UBE2G1: variants seen among roughly 807,000 people sequenced by gnomAD.
UBE2G1 encodes ubiquitin-conjugating enzyme E2 G1.
Under a neutral mutation model 22.7 loss-of-function variants are expected in UBE2G1, and 5 were observed. That is an observed-to-expected ratio of 0.22 (90% CI 0.12 to 0.46). The LOEUF (loss-of-function observed/expected upper bound fraction) is 0.46, where lower values mean the gene tolerates loss of function less well. Ranked by LOEUF, UBE2G1 falls within the 20% of genes least tolerant of loss-of-function variation. UBE2G1 has a pLI of 0.99. For synonymous variants in UBE2G1, 74 were observed against 67.5 expected, an observed-to-expected ratio of 1.10 and a Z score of -0.47; for missense variants, 88 against 203.9, an observed-to-expected ratio of 0.43 and a Z score of 3.46.
intron 1 of UBE2G1, among the ~76,000 whole-genome samples, chr17:4,347,105 A>G (rs1969786382): frequency 6.6e-6 from 1 of 152,082 alleles, no homozygotes; most frequent in African/African-American, 2.4e-5. Flanking sequence ...GTGAGCCAAG[A>G]TCATGCCACT....
At chr17:4,304,928 T>C (rs1214811881) in intron 2 of UBE2G1, among the ~76,000 whole-genome samples, 2 of 152,010 alleles carry the variant, frequency 1.3e-5, no homozygotes, top group Non-Finnish European at 2.9e-5. Flanking sequence ...ACCTCACTAC[T>C]TTCTGCTAAG....
Position 4,296,794 on chromosome 17 carries a change from G to C in UBE2G1, c.170C>G (p.Ala57Gly). 6.2e-7 allele frequency: 1 copy of C among 1,613,814 alleles called. No homozygotes were observed. ...DTLYEGGVFKAHLTFPKDYPL... is the reference protein window; with the variant it reads ...DTLYEGGVFKGHLTFPKDYPL... ...ATAATCTTTTGGGAAAGTAAGATGA[G>C]CCTTAAAAACACCACCTTCACTGGA... is the stretch of plus-strand genomic sequence containing the variant. Residue 57 changes from alanine to glycine, a missense_variant, in exon 3 of 6, where the codon GCT (alanine) becomes GGT (glycine). Around this residue, in one of 2 missense-constraint regions of UBE2G1, gnomAD observed 50 missense variants for 71.0 expected, o/e 0.70. Transcript: ENST00000396981.
chr17:4,324,930 A>C (rs185305556), intron 1 of UBE2G1, among the ~76,000 whole-genome samples: 169 of 151,956 alleles, frequency 1.1e-3, no homozygotes, highest in African/African-American at 3.7e-3. Flanking sequence ...ACAAAAAATT[A>C]GCCGGGCGTG....
chr17:4,366,001 C>T (rs1970029806), intron 1 of UBE2G1, among the ~76,000 whole-genome samples: 2 of 152,114 alleles, frequency 1.3e-5, no homozygotes, highest in African/African-American at 2.4e-5. Context: ...TCCTACAGAA[C>T]GGTGGGGGAG....
chr17:4,276,256 T>C (rs1968820173), intron 5 of UBE2G1, among the ~76,000 whole-genome samples: 1 of 151,908 alleles, frequency 6.6e-6, no homozygotes, highest in Admixed American at 6.6e-5. Context: ...AGTGGTGCAA[T>C]CTCCGCCTCC....
At chr17:4,310,825 G>GTCATAC (rs1969301748) in intron 1 of UBE2G1, among the ~76,000 whole-genome samples, 1 of 152,188 alleles carries the variant, frequency 6.6e-6, no homozygotes, top group Admixed American at 6.5e-5. Flanking sequence ...GTATATAGTA[G>GTCATAC]TCGAAACAAT....
intron 5 of UBE2G1, among the ~76,000 whole-genome samples, chr17:4,273,847 A>C (rs1485639869): frequency 6.6e-6 from 1 of 152,238 alleles, no homozygotes; most frequent in Non-Finnish European, 1.5e-5. Context: ...CAAAAGAAAC[A>C]GAAGATGACT....
At chr17:4,362,443 G>A (rs1597269929) in intron 1 of UBE2G1, among the ~76,000 whole-genome samples, 1 of 152,102 alleles carries the variant, frequency 6.6e-6, no homozygotes, top group African/African-American at 2.4e-5. Flanking sequence ...CACGAATGCT[G>A]CTGAACATTC....
chr17:4,299,287 T>C (rs1359623801), intron 2 of UBE2G1, among the ~76,000 whole-genome samples: 1 of 152,132 alleles, frequency 6.6e-6, no homozygotes, highest in Admixed American at 6.5e-5. Context: ...TAATCCCAGC[T>C]ACTTGGGAGG....
chr17:4,296,240 T>A (rs1348443518), intron 3 of UBE2G1, among the ~76,000 whole-genome samples: 1 of 151,928 alleles, frequency 6.6e-6, no homozygotes, highest in East Asian at 1.9e-4. Flanking sequence ...AAATAAAAAA[T>A]AACTTTTTCC....
Position 4,355,320 on chromosome 17 carries a change from C to T in UBE2G1, c.46+10951G>A, listed in dbSNP as rs139563059. 4.0e-5 allele frequency among the ~76,000 whole-genome samples: 6 copies of T among 151,210 alleles called. No homozygotes were observed. In the East Asian group the frequency reaches 1.2e-3, roughly 30 times the overall value. On this transcript the variant is annotated intron_variant, in intron 1 of 5. Transcript: ENST00000396981. ...GGGATTACAGGCATGAGTCACTAAG[C>T]CCGGCCTGCCAGACTATTTCCTTAG... is the stretch of plus-strand genomic sequence containing the variant.
chr17:4,330,389 T>C (rs552493665), intron 1 of UBE2G1, among the ~76,000 whole-genome samples: 27 of 152,260 alleles, frequency 1.8e-4, no homozygotes, highest in African/African-American at 6.5e-4. Context: ...AACATTACTC[T>C]AAGTGTCAAA....
At chr17:4,316,082 C>G (rs1415482566) in intron 1 of UBE2G1, among the ~76,000 whole-genome samples, 1 of 152,018 alleles carries the variant, frequency 6.6e-6, no homozygotes, top group Non-Finnish European at 1.5e-5. Flanking sequence ...GGATTACAAG[C>G]GTGAGCCACC....
chr17:4,306,429 T>G (rs1354456756), intron 2 of UBE2G1, among the ~76,000 whole-genome samples: 1 of 151,882 alleles, frequency 6.6e-6, no homozygotes, highest in Non-Finnish European at 1.5e-5. Flanking sequence ...TCTCAGGTGA[T>G]CCACCCACCT....
At chr17:4,354,465 T>G (rs1283786014) in intron 1 of UBE2G1, among the ~76,000 whole-genome samples, 1 of 152,124 alleles carries the variant, frequency 6.6e-6, no homozygotes, top group Non-Finnish European at 1.5e-5. Context: ...TGTGCTTTTC[T>G]CAGGAGGTCT....
chr17:4,308,847 G>T (rs1969276743), intron 1 of UBE2G1, among the ~76,000 whole-genome samples: 1 of 152,212 alleles, frequency 6.6e-6, no homozygotes, highest in African/African-American at 2.4e-5. Context: ...ACAAAGGACT[G>T]AACCAATGTT....
intron 1 of UBE2G1, among the ~76,000 whole-genome samples, chr17:4,350,744 A>T (rs1196046421): frequency 6.6e-6 from 1 of 152,144 alleles, no homozygotes; most frequent in Non-Finnish European, 1.5e-5. Flanking sequence ...ATTTAAAAAT[A>T]GTATGAGGCT....
chr17:4,317,763 G>A (rs1027068856), intron 1 of UBE2G1, among the ~76,000 whole-genome samples: 7 of 152,134 alleles, frequency 4.6e-5, no homozygotes, highest in Admixed American at 1.3e-4. Flanking sequence ...AATCACAGGC[G>A]TCAGGGTTCT....
At chr17:4,289,021 C>G (rs981409882) in intron 4 of UBE2G1, among the ~76,000 whole-genome samples, 5 of 151,614 alleles carry the variant, frequency 3.3e-5, no homozygotes, top group Admixed American at 1.3e-4. Context: ...GCCTAGGTGA[C>G]AGAGAGACCC....
Sources: gnomAD v4.1 joint callset for allele counts (sites outside exome capture counted in the v4.1 genomes callset) on GRCh38, gnomAD v4.1.1 for gene constraint, gnomAD v4.1.1 regional missense constraint, MANE v1.5 for transcripts, NCBI Gene and HGNC (gene_info 2026-07-23, HGNC 2026-07-21) for gene names.